The following GALNT13 variants were observed in gnomAD, a reference collection of about 807,000 sequenced individuals.
GALNT13 encodes the protein polypeptide N-acetylgalactosaminyltransferase 13.
GALNT13 carries 28 observed loss-of-function variants against 64.2 expected under a neutral mutation model. That is an observed-to-expected ratio of 0.44 (90% CI 0.32 to 0.60). The LOEUF (loss-of-function observed/expected upper bound fraction) is 0.60, where lower values mean the gene tolerates loss of function less well. Ranked by LOEUF, GALNT13 falls within the 20% of genes least tolerant of loss-of-function variation. The pLI, the probability that GALNT13 is intolerant of heterozygous loss-of-function variation, is 0.05. For synonymous variants in GALNT13, 214 were observed against 224.6 expected (o/e 0.95, Z 0.42); for missense variants, 577 against 669.8 (o/e 0.86, Z 1.53).
At chr2:153,528,351 T>TA in the GALNT13 span, among the ~76,000 whole-genome samples, 4 of 151,976 alleles carry the variant, frequency 2.6e-5, no homozygotes, top group Non-Finnish European at 5.9e-5. Flanking sequence ...TATATAATGA[T>TA]AAAGGGGTCA....
At chr2:154,446,468 A>G (rs765441107) in intron 12 of GALNT13, 7 of 1,255,084 alleles carry the variant, frequency 5.6e-6, no homozygotes, top group Non-Finnish European at 7.4e-6. Context: ...TGTGCCTTCC[A>G]TCTTTATCCA....
At chr2:153,712,097 T>C in the GALNT13 span, among the ~76,000 whole-genome samples, 5 of 152,330 alleles carry the variant, frequency 3.3e-5, no homozygotes, top group Middle Eastern at 3.4e-3. Context: ...TGTAATCATA[T>C]TCCTTCTTTA....
In GALNT13 at chr2:154,347,753, T is replaced by G. The variant is rs77317360; in HGVS notation, c.1156+46164T>G. Among the ~76,000 whole-genome samples, 1,182 of 152,314 alleles carry G rather than the reference T, an allele frequency of 7.8e-3. 13 individuals carry two copies. The highest frequency in any genetic ancestry group is 0.027 in the African/African-American group (1,125 of 41,562). Reference sequence around the variant, plus strand: ...CTGTAGGTGTGTGGTATGTGTGACCTTCTTTCATGTTCAGCACAACTCTCA... The same window carrying G: ...CTGTAGGTGTGTGGTATGTGTGACCGTCTTTCATGTTCAGCACAACTCTCA... On this transcript the variant is annotated intron_variant, in intron 9 of 12. Transcript: ENST00000392825.
chr2:153,660,526 T>C, the GALNT13 span, among the ~76,000 whole-genome samples: 1 of 150,562 alleles, frequency 6.6e-6, no homozygotes, highest in African/African-American at 2.4e-5. Flanking sequence ...AGGGGAGCAA[T>C]AGGATTGGAG....
At chr2:153,227,297 C>T in the GALNT13 span, among the ~76,000 whole-genome samples, 51,135 of 151,972 alleles carry the variant, frequency 0.34, 8,766 homozygotes, top group Middle Eastern at 0.5. Context: ...GCAGCATTGG[C>T]AAATTGCAGG....
intron 9 of GALNT13, among the ~76,000 whole-genome samples, chr2:154,394,758 A>G (rs941218282): frequency 1.3e-5 from 2 of 152,226 alleles, no homozygotes; most frequent in Non-Finnish European, 2.9e-5. Context: ...ATCTGTTTAA[A>G]AAGCCCAAAG....
chr2:153,554,720 G>T, the GALNT13 span, among the ~76,000 whole-genome samples: 1 of 151,676 alleles, frequency 6.6e-6, no homozygotes, highest in Non-Finnish European at 1.5e-5. Context: ...CACAAACTTT[G>T]TACCTTCATT....
At chr2:153,330,520 G>A in the GALNT13 span, among the ~76,000 whole-genome samples, 2 of 151,882 alleles carry the variant, frequency 1.3e-5, no homozygotes, top group Non-Finnish European at 2.9e-5. Flanking sequence ...TTTATTTTTT[G>A]TGTGTCTGTT....
chr2:153,277,480 T>C, the GALNT13 span, among the ~76,000 whole-genome samples: 1 of 152,228 alleles, frequency 6.6e-6, no homozygotes, highest in Non-Finnish European at 1.5e-5. Flanking sequence ...ATTGATTCCA[T>C]GTCTTTGCTA....
the GALNT13 span, among the ~76,000 whole-genome samples, chr2:153,675,942 C>T: frequency 6.6e-6 from 1 of 152,124 alleles, no homozygotes; most frequent in Admixed American, 6.6e-5. Flanking sequence ...AACCTAATAT[C>T]ACACCTAGAG....
At chr2:153,327,909 G>GT in the GALNT13 span, among the ~76,000 whole-genome samples, 3 of 151,992 alleles carry the variant, frequency 2.0e-5, no homozygotes, top group Non-Finnish European at 4.4e-5. Flanking sequence ...TTTTTGCACT[G>GT]TTTTTTTCTC....
At chr2:153,202,984 T>C in the GALNT13 span, among the ~76,000 whole-genome samples, 14 of 152,212 alleles carry the variant, frequency 9.2e-5, no homozygotes, top group Non-Finnish European at 1.6e-4. Context: ...TCTTCTTTTC[T>C]TACCTCCAGT....
the GALNT13 span, among the ~76,000 whole-genome samples, chr2:153,518,268 T>G: frequency 6.6e-6 from 1 of 152,184 alleles, no homozygotes; most frequent in South Asian, 2.1e-4. Context: ...CTTATCATAA[T>G]GAAAGTCACA....
chr2:154,210,241 G>A (rs1687688918), intron 4 of GALNT13, among the ~76,000 whole-genome samples: 1 of 152,116 alleles, frequency 6.6e-6, no homozygotes, highest in South Asian at 2.1e-4. Flanking sequence ...ATCCATTGAT[G>A]GACACTTTGT....
At chr2:154,431,580 C>T (rs184082124) in intron 11 of GALNT13, among the ~76,000 whole-genome samples, 1 of 152,078 alleles carries the variant, frequency 6.6e-6, no homozygotes, top group Non-Finnish European at 1.5e-5. Flanking sequence ...TGGACATTCT[C>T]CCTAAAAAGA....
At chr2:154,389,480 A>G (rs1245288402) in intron 9 of GALNT13, among the ~76,000 whole-genome samples, 2 of 152,202 alleles carry the variant, frequency 1.3e-5, no homozygotes, top group Non-Finnish European at 2.9e-5. Context: ...CTTTTAAGTT[A>G]TGCTGCAATA....
the GALNT13 span, among the ~76,000 whole-genome samples, chr2:153,134,937 G>T: frequency 6.6e-6 from 1 of 152,134 alleles, no homozygotes. Context: ...TGGGGGCTGA[G>T]AAAGATGACA....
chr2:153,196,780 G>A, the GALNT13 span, among the ~76,000 whole-genome samples: 1 of 151,904 alleles, frequency 6.6e-6, no homozygotes. Context: ...TGGGCTCCAG[G>A]GGCTCCCACT....
the GALNT13 span, among the ~76,000 whole-genome samples, chr2:153,195,694 A>G: frequency 1.3e-5 from 2 of 152,224 alleles, no homozygotes; most frequent in African/African-American, 2.4e-5. Flanking sequence ...GTGGCGAGCA[A>G]GGGACATGTC....
Sources: allele counts gnomAD v4.1 joint callset (sites outside exome capture counted in the v4.1 genomes callset), GRCh38; gene constraint gnomAD v4.1.1; transcripts MANE v1.5; gene names NCBI Gene and HGNC (gene_info 2026-07-23, HGNC 2026-07-21).